The following GRIN2A variants were observed in gnomAD, a reference collection of about 807,000 sequenced individuals.
GRIN2A encodes the protein glutamate receptor ionotropic, NMDA 2A.
Under a neutral mutation model 113.4 loss-of-function variants are expected in GRIN2A, and 22 were observed. The observed-to-expected ratio is 0.19, with a 90% CI of 0.14 to 0.28. GRIN2A has a LOEUF of 0.28. Among genes scored for constraint, GRIN2A ranks in the 10% least tolerant of loss-of-function variants. GRIN2A has a pLI of 1.00. For missense variants in GRIN2A, 1,502 were observed against 1,887.0 expected, an observed-to-expected ratio of 0.80 and a Z score of 3.78; for synonymous variants, 827 against 738.4, an observed-to-expected ratio of 1.12 and a Z score of -1.94.
At position 9,764,883 on chromosome 16, in the gene GRIN2A, C is replaced by A. The variant is rs758442686; in HGVS notation, c.2661G>T (p.Leu887=). Residue 887 remains leucine, a synonymous_variant, in exon 13 of 13, where the codon CTG becomes CTT. Transcript: ENST00000330684. ...TTAACATGTTGCTCTGGGATCCCGT[C>A]AGATTGAAGTCTGGAGACTTCTTCT... ...EEKKKSPDFN[L]TGSQSNMLKL... is the part of the protein sequence containing the mutation. 6.2e-7 allele frequency: 1 copy of A among 1,614,136 alleles called. No individual in the cohort carries two copies. The highest frequency in any genetic ancestry group is 8.5e-7 in the Non-Finnish European group (1 of 1,179,992).
In GRIN2A at chr16:9,756,190, T is replaced by G. The variant is rs1596367527; in HGVS notation, c.*6959A>C. ...TACTATGTATATATGTTTAATGGAATTAGCCCTGATGTTGACTGATAAAAA... is the reference window on the plus strand; with the variant it reads ...TACTATGTATATATGTTTAATGGAAGTAGCCCTGATGTTGACTGATAAAAA... On this transcript the variant is annotated 3_prime_UTR_variant, in exon 13 of 13. Coordinates refer to ENST00000330684, the MANE Select transcript of GRIN2A (RefSeq NM_001134407.3). 1 of 227,558 alleles carries G rather than the reference T, an allele frequency of 4.4e-6. No homozygotes were observed. Among genetic ancestry groups the G allele is most frequent in the East Asian group, 6.3e-5 (1 of 15,986 alleles). 14.1% of individuals were successfully genotyped at this position (227,558 alleles called of 1,614,324 possible). A position where few individuals can be genotyped will look rare whatever the true frequency, so the allele number is the denominator to read the frequency against.
chr16:10,171,527 T>C (rs2050041194), intron 2 of GRIN2A: 1 of 152,190 alleles, frequency 6.6e-6, no homozygotes, highest in South Asian at 2.1e-4. Flanking sequence ...TCTCAGCAAG[T>C]CCTACAAAGG....
chr16:9,930,804 G>T (rs1406618919), intron 3 of GRIN2A, among the ~76,000 whole-genome samples: 5 of 152,120 alleles, frequency 3.3e-5, no homozygotes, highest in African/African-American at 1.2e-4. Context: ...CTCTTAATGG[G>T]TCATTAAACC....
intron 10 of GRIN2A, among the ~76,000 whole-genome samples, chr16:9,809,999 T>A (rs146159466): frequency 1.3e-5 from 2 of 151,498 alleles, no homozygotes; most frequent in African/African-American, 4.9e-5. Context: ...TCCTAGGAGG[T>A]AGAGGTTGCA....
intron 2 of GRIN2A, among the ~76,000 whole-genome samples, chr16:10,051,270 G>A (rs1414077572): frequency 6.6e-6 from 1 of 152,138 alleles, no homozygotes; most frequent in Admixed American, 6.5e-5. Context: ...TCCTCTCCAT[G>A]GAATTCTAAG....
At chr16:10,118,781 C>A (rs145367095) in intron 2 of GRIN2A, among the ~76,000 whole-genome samples, 1 of 152,150 alleles carries the variant, frequency 6.6e-6, no homozygotes, top group African/African-American at 2.4e-5. Flanking sequence ...ATTTTCATAA[C>A]CAGAGACTGT....
intron 11 of GRIN2A, among the ~76,000 whole-genome samples, chr16:9,797,486 A>G (rs1173399084): frequency 6.6e-6 from 1 of 152,210 alleles, no homozygotes; most frequent in African/African-American, 2.4e-5. Flanking sequence ...CAGCTGGCCC[A>G]AGCGGCTTTA....
intron 2 of GRIN2A, among the ~76,000 whole-genome samples, chr16:10,153,897 C>T (rs367649413): frequency 2.2e-4 from 33 of 152,318 alleles, no homozygotes; most frequent in East Asian, 7.7e-4. Context: ...GCTGGAGGGG[C>T]ATCGGGGTCT....
intron 2 of GRIN2A, among the ~76,000 whole-genome samples, chr16:9,940,061 AGT>A (rs56116543): frequency 4.3e-4 from 61 of 142,902 alleles, no homozygotes; most frequent in East Asian, 1.0e-3. Flanking sequence ...AGAGAGAGAG[AGT>A]GTGTGTGTGT....
chr16:10,053,995 A>G (rs1360664150), intron 2 of GRIN2A, among the ~76,000 whole-genome samples: 1 of 152,218 alleles, frequency 6.6e-6, no homozygotes, highest in African/African-American at 2.4e-5. Flanking sequence ...AATGGCAAGG[A>G]CCACAAATAC....
At chr16:10,157,309 G>T (rs1485153221) in intron 2 of GRIN2A, among the ~76,000 whole-genome samples, 1 of 152,124 alleles carries the variant, frequency 6.6e-6, no homozygotes, top group African/African-American at 2.4e-5. Context: ...AAAGTATGCA[G>T]GATAAAACTC....
At chr16:10,055,503 T>C (rs1198200981) in intron 2 of GRIN2A, among the ~76,000 whole-genome samples, 1 of 152,186 alleles carries the variant, frequency 6.6e-6, no homozygotes, top group Non-Finnish European at 1.5e-5. Context: ...ACTCCTTAGT[T>C]CACTGCAGAT....
In GRIN2A at chr16:10,114,212, T is replaced by A. The variant is rs146317522; in HGVS notation, c.414+65786A>T. Among the ~76,000 whole-genome samples the A allele has an allele frequency of 2.1e-3, 321 of 151,664 alleles. 1 individual carries two copies. Among genetic ancestry groups the A allele is most frequent in the African/African-American group, 7.2e-3 (297 of 41,344 alleles). Reference sequence around the variant, plus strand: ...CCTCTAAAGACACAAAAATAGAAAATAAATTTTAAAAAACAAATCCTTCAT... The same window carrying A: ...CCTCTAAAGACACAAAAATAGAAAAAAAATTTTAAAAAACAAATCCTTCAT... On this transcript the variant is annotated intron_variant, in intron 2 of 12. Transcript: ENST00000330684.
chr16:9,836,266 T>C (rs1161660325), intron 7 of GRIN2A, among the ~76,000 whole-genome samples: 2 of 152,238 alleles, frequency 1.3e-5, no homozygotes, highest in Non-Finnish European at 1.5e-5. Context: ...CTGAGTGGAA[T>C]AGCTGTGTGA....
At chr16:10,179,746 C>G (rs1016682753) in intron 2 of GRIN2A, 1 of 544,680 alleles carries the variant, frequency 1.8e-6, no homozygotes, top group Non-Finnish European at 3.3e-6. Context: ...GTTTTCTGAG[C>G]GCTTCCTGGC....
intron 2 of GRIN2A, among the ~76,000 whole-genome samples, chr16:10,125,980 C>G (rs1024880925): frequency 6.6e-6 from 1 of 151,990 alleles, no homozygotes; most frequent in African/African-American, 2.4e-5. Context: ...AGGACACAGA[C>G]AGGAGGAGCC....
At chr16:9,901,976 T>A (rs1222641666) in intron 3 of GRIN2A, among the ~76,000 whole-genome samples, 1 of 152,150 alleles carries the variant, frequency 6.6e-6, no homozygotes, top group African/African-American at 2.4e-5. Context: ...TGCCAGATAC[T>A]TTCCATATGT....
At chr16:9,958,503 T>C (rs749707734) in intron 2 of GRIN2A, among the ~76,000 whole-genome samples, 1 of 152,112 alleles carries the variant, frequency 6.6e-6, no homozygotes, top group African/African-American at 2.4e-5. Flanking sequence ...TTCCCACGGA[T>C]TTTATCTGGC....
intron 2 of GRIN2A, among the ~76,000 whole-genome samples, chr16:9,974,883 A>G (rs1388120339): frequency 1.3e-5 from 2 of 152,190 alleles, no homozygotes; most frequent in Admixed American, 1.3e-4. Flanking sequence ...TATGCTGAAT[A>G]GAAGTGGTGA....
Sources: allele counts gnomAD v4.1 joint callset (sites outside exome capture counted in the v4.1 genomes callset), GRCh38; gene constraint gnomAD v4.1.1; transcripts MANE v1.5; gene names NCBI Gene and HGNC (gene_info 2026-07-23, HGNC 2026-07-21).